Variants in MAGI1 observed in about 807,000 individuals in gnomAD.
MAGI1 encodes membrane associated guanylate kinase, WW and PDZ domain containing 1.
In MAGI1, 58 loss-of-function variants were observed where a neutral mutation model predicts 139.9. The ratio of observed to expected loss-of-function variants is 0.41; its 90% confidence interval spans 0.34 to 0.52. The LOEUF is 0.52. Among genes scored for constraint, MAGI1 ranks in the 20% least tolerant of loss-of-function variants. The pLI is 0.12. For missense variants in MAGI1, 1,874 were observed against 1,901.6 expected (o/e 0.99, Z 0.27); for synonymous variants, 812 against 737.9 (o/e 1.10, Z -1.63).
intron 2 of MAGI1, among the ~76,000 whole-genome samples, chr3:65,518,884 G>C (rs1333852167): frequency 6.6e-6 from 1 of 152,160 alleles, no homozygotes; most frequent in Non-Finnish European, 1.5e-5. Context: ...TAACGTGAGG[G>C]AGAAAAAGCA....
At chr3:65,472,601 C>T (rs1296986546) in intron 4 of MAGI1, among the ~76,000 whole-genome samples, 1 of 152,178 alleles carries the variant, frequency 6.6e-6, no homozygotes, top group Non-Finnish European at 1.5e-5. Flanking sequence ...TCACCAGGAC[C>T]TCCAGCTCTT....
chr3:65,574,885 A>G (rs1198890070), intron 2 of MAGI1, among the ~76,000 whole-genome samples: 1 of 152,080 alleles, frequency 6.6e-6, no homozygotes, highest in Non-Finnish European at 1.5e-5. Flanking sequence ...AAGTGACACT[A>G]AAACAATTGG....
intron 5 of MAGI1, among the ~76,000 whole-genome samples, chr3:65,460,361 A>G (rs957682784): frequency 6.6e-6 from 1 of 152,216 alleles, no homozygotes; most frequent in Non-Finnish European, 1.5e-5. Flanking sequence ...CTTCATAAAA[A>G]TAACTGTAGA....
intron 2 of MAGI1, among the ~76,000 whole-genome samples, chr3:65,499,729 C>T (rs935513703): frequency 2.0e-5 from 3 of 152,168 alleles, no homozygotes; most frequent in Non-Finnish European, 4.4e-5. Flanking sequence ...TAAACTATCA[C>T]TGCATTTCAT....
At chr3:65,628,204 G>A (rs575496509) in intron 1 of MAGI1, among the ~76,000 whole-genome samples, 1 of 151,890 alleles carries the variant, frequency 6.6e-6, no homozygotes, top group East Asian at 1.9e-4. Context: ...AAATAGTTTT[G>A]GTGGTCCTGT....
chr3:65,785,042 T>G (rs1252919525), intron 1 of MAGI1, among the ~76,000 whole-genome samples: 2 of 152,160 alleles, frequency 1.3e-5, no homozygotes, highest in African/African-American at 4.8e-5. Context: ...ATTATACTGA[T>G]AGTCGCACAC....
At chr3:65,917,865 T>C (rs959631757) in intron 1 of MAGI1, among the ~76,000 whole-genome samples, 1 of 152,208 alleles carries the variant, frequency 6.6e-6, no homozygotes, top group African/African-American at 2.4e-5. Context: ...TCATTACATA[T>C]TTGTTCAACC....
intron 2 of MAGI1, among the ~76,000 whole-genome samples, chr3:65,511,752 A>T (rs1040834887): frequency 6.7e-6 from 1 of 149,920 alleles, no homozygotes; most frequent in Non-Finnish European, 1.5e-5. Flanking sequence ...TCAACGACAC[A>T]GAAAGTCAAC....
intron 10 of MAGI1, among the ~76,000 whole-genome samples, chr3:65,436,931 T>G (rs1947895726): frequency 6.6e-6 from 1 of 152,196 alleles, no homozygotes; most frequent in Admixed American, 6.5e-5. Context: ...ACAAGTAGTC[T>G]TTATTTTTAA....
intron 1 of MAGI1, among the ~76,000 whole-genome samples, chr3:65,909,992 C>T (rs992392128): frequency 8.5e-5 from 13 of 152,142 alleles, no homozygotes; most frequent in African/African-American, 2.9e-4. Context: ...ACAGGGTTCA[C>T]ACTCCAATGA....
At chr3:65,910,855 C>CTGTTTTTTTTTTTTTTT (rs2061633356) in intron 1 of MAGI1, among the ~76,000 whole-genome samples, 1 of 59,480 alleles carries the variant, frequency 1.7e-5, no homozygotes, top group Non-Finnish European at 2.7e-5. Flanking sequence ...ACATGGTGGA[C>CTGTTTTTTTTTTTTTTT]TTTTTTTTTT....
At chr3:65,545,994 GCACACACA>G (rs749949035) in intron 2 of MAGI1, among the ~76,000 whole-genome samples, 3 of 136,682 alleles carry the variant, frequency 2.2e-5, no homozygotes, top group African/African-American at 5.6e-5. Context: ...ACACACACAC[GCACACACA>G]CACACACACA....
chr3:65,738,307 G>T (rs1325537746), intron 1 of MAGI1, among the ~76,000 whole-genome samples: 6 of 152,148 alleles, frequency 3.9e-5, no homozygotes, highest in African/African-American at 1.4e-4. Flanking sequence ...GAGTTGCTAG[G>T]ACTATAGGCA....
chr3:65,493,617 G>A lies in MAGI1; in HGVS notation c.445C>T (p.Pro149Ser), dbSNP rs1952213416. ...ACGCCAGGCACTTCTCCTTCTCTGG[G>A]AGATCGGGTTGTGCCTGTAGCAGAA... ...RHAVPCTTRS[P>S]REGEVPGVDY... Residue 149 changes from proline to serine, a missense_variant, in exon 3 of 23, where the codon CCC becomes TCC. Physicochemically the swap from Pro to Ser is moderately conservative, Grantham distance 74 (BLOSUM62 -1). Around this residue, in one of 5 missense-constraint regions of MAGI1, gnomAD observed 648 missense variants for 598.1 expected, o/e 1.08. Coordinates refer to ENST00000402939, the MANE Select transcript of MAGI1 (RefSeq NM_001033057.2). The A allele has an allele frequency of 6.2e-7, 1 of 1,614,024 alleles. No homozygotes were observed. Among genetic ancestry groups the A allele is most frequent in the Non-Finnish European group, 8.5e-7 (1 of 1,180,040 alleles).
At chr3:65,789,842 T>C (rs1488315284) in intron 1 of MAGI1, among the ~76,000 whole-genome samples, 5 of 152,188 alleles carry the variant, frequency 3.3e-5, no homozygotes, top group East Asian at 1.9e-4. Context: ...CCTTGAGCAA[T>C]ATGCAATCTC....
At chr3:65,699,045 C>T (rs1256598603) in intron 1 of MAGI1, among the ~76,000 whole-genome samples, 1 of 126,150 alleles carries the variant, frequency 7.9e-6, no homozygotes, top group Admixed American at 8.0e-5. Flanking sequence ...AAACAAACAA[C>T]CCCATCAAAA....
At chr3:65,583,707 A>G (rs2106665985) in intron 2 of MAGI1, among the ~76,000 whole-genome samples, 1 of 152,300 alleles carries the variant, frequency 6.6e-6, no homozygotes, top group Non-Finnish European at 1.5e-5. Context: ...GTGTTTGAAC[A>G]GGTACAAAAT....
rs527538967 is a variant in MAGI1 at position 66,022,703 on chromosome 3, T to C, written c.313+15293A>G. On this transcript the variant is annotated intron_variant, in intron 1 of 22. Transcript: ENST00000402939. ...TCAGCCATTCGAACATGGAATCTCATTGTCTCTGTTACCTATTGCCATTAT... is the reference window on the plus strand; with the variant it reads ...TCAGCCATTCGAACATGGAATCTCACTGTCTCTGTTACCTATTGCCATTAT... 1.8e-4 allele frequency among the ~76,000 whole-genome samples: 28 copies of C among 152,338 alleles called. No individual in the cohort carries two copies. The South Asian group carries it at 1.9e-3, about 10-fold the overall frequency.
chr3:65,560,918 C>T lies in MAGI1; in HGVS notation c.430+61054G>A, dbSNP rs953862035. Among the ~76,000 whole-genome samples the T allele has an allele frequency of 6.6e-5, 10 of 152,322 alleles. No homozygotes were observed. The East Asian group carries it at 1.4e-3, about 21-fold the overall frequency. ...TGATTCATAAATTTTTGCATCAGCACAAACGAAGCCCACTTTTTAAAAATG... is the reference window on the plus strand; with the variant it reads ...TGATTCATAAATTTTTGCATCAGCATAAACGAAGCCCACTTTTTAAAAATG... On this transcript the variant is annotated intron_variant, in intron 2 of 22. Transcript: ENST00000402939.
Sources: gnomAD v4.1 joint callset for allele counts (sites outside exome capture counted in the v4.1 genomes callset) on GRCh38, gnomAD v4.1.1 for gene constraint, gnomAD v4.1.1 regional missense constraint, MANE v1.5 for transcripts, NCBI Gene and HGNC (gene_info 2026-07-23, HGNC 2026-07-21) for gene names.